RFC1: variants seen among roughly 807,000 people sequenced by gnomAD.
RFC1 encodes replication factor C subunit 1.
Under a neutral mutation model 137.4 loss-of-function variants are expected in RFC1, and 37 were observed. The ratio of observed to expected loss-of-function variants is 0.27; its 90% CI spans 0.21 to 0.35. The LOEUF (loss-of-function observed/expected upper bound fraction) is 0.35. Among genes scored for constraint, RFC1 ranks in the 10% least tolerant of loss-of-function variants. The pLI, the probability that RFC1 is intolerant of heterozygous loss-of-function variation, is 1.00. For missense variants in RFC1, 1,205 were observed against 1,358.5 expected (o/e 0.89, Z 1.78); for synonymous variants, 429 against 455.7 (o/e 0.94, Z 0.75).
At chr4:39,363,415 T>C (rs1369126732) in intron 1 of RFC1, among the ~76,000 whole-genome samples, 1 of 152,240 alleles carries the variant, frequency 6.6e-6, no homozygotes, top group African/African-American at 2.4e-5. Flanking sequence ...CAGAGAAATT[T>C]TATATTTTGG....
rs1738412710 is a variant in RFC1 at position 39,302,507 on chromosome 4, A to G, written c.2429T>C (p.Ile810Thr). ...NEIILGANQD[I>T]RQVLHNLSMW... is the part of the protein sequence containing the mutation. Reference sequence around the variant, plus strand: ...GATATATATTTAATTTACCTGTCTGATATCTTGATTGGCTCCCAAAATTAT... The same window carrying G: ...GATATATATTTAATTTACCTGTCTGGTATCTTGATTGGCTCCCAAAATTAT... Residue 810 changes from isoleucine to threonine, a missense_variant, in exon 18 of 25, where the codon ATC becomes ACC. This residue lies in a region of RFC1 where 962 missense variants were observed against 1,035.3 expected (regional missense o/e 0.93). Coordinates refer to ENST00000349703, the MANE Select transcript of RFC1 (RefSeq NM_002913.5). The G allele has an allele frequency of 3.1e-6, 5 of 1,593,794 alleles. No individual in the cohort carries two copies. Among genetic ancestry groups the G allele is most frequent in the African/African-American group, 1.3e-5 (1 of 74,476 alleles).
intron 9 of RFC1, among the ~76,000 whole-genome samples, 178 bp downstream of exon 9, chr4:39,320,205 C>G (rs906702525): frequency 2.0e-5 from 3 of 152,116 alleles, no homozygotes; most frequent in South Asian, 4.2e-4. Flanking sequence ...CAAAATTAGC[C>G]AGGCATGGTG....
intron 22 of RFC1, among the ~76,000 whole-genome samples, chr4:39,292,615 A>ATTATTTATTTATTTATTTAT (rs58733449): frequency 2.1e-5 from 3 of 143,980 alleles, no homozygotes; most frequent in Non-Finnish European, 3.0e-5. Context: ...ATATGTATAC[A>ATTATTTATTTATTTATTTAT]TTATTTATTT....
intron 5 of RFC1, 117 bp downstream of exon 5, chr4:39,327,407 G>C: frequency 1.9e-6 from 1 of 537,494 alleles, no homozygotes; most frequent in Non-Finnish European, 3.1e-6. Context: ...ATAATCATAG[G>C]AAAATTATTT....
intron 22 of RFC1, among the ~76,000 whole-genome samples, chr4:39,293,524 G>A (rs1254103897): frequency 6.6e-6 from 1 of 152,118 alleles, no homozygotes; most frequent in African/African-American, 2.4e-5. Flanking sequence ...TTAAAGAAGA[G>A]AAACGGACCT....
intron 2 of RFC1, among the ~76,000 whole-genome samples, chr4:39,348,400 G>C (rs1740969797): frequency 1.0e-5 from 1 of 95,378 alleles, no homozygotes; most frequent in South Asian, 3.3e-4. Flanking sequence ...TCCAGTCTGG[G>C]CAACAGAGCA....
chr4:39,306,447 G>T, intron 14 of RFC1, 145 bp downstream of exon 14: 1 of 559,426 alleles, frequency 1.8e-6, no homozygotes. Flanking sequence ...AGGTTCTAAA[G>T]GTTTTATCTT....
chr4:39,345,352 G>C, intron 3 of RFC1, 49 bp downstream of exon 3: 1 of 1,470,602 alleles, frequency 6.8e-7, no homozygotes, highest in Non-Finnish European at 9.5e-7. Flanking sequence ...TGTTCTAAGG[G>C]ATATACAATA....
chr4:39,365,588 T>C, intron 1 of RFC1: 1 of 551,612 alleles, frequency 1.8e-6, no homozygotes, highest in Non-Finnish European at 2.3e-6. Flanking sequence ...GGTAAGAGGA[T>C]GACAGCTGTC....
Position 39,348,613 on chromosome 4 carries a change from GC to G in RFC1, c.132+2734del, listed in dbSNP as rs770703029. Among the ~76,000 whole-genome samples the G allele has an allele frequency of 2.6e-5, 4 of 151,880 alleles. 1 individual carries two copies. The highest frequency in any genetic ancestry group is 5.9e-5 in the Non-Finnish European group (4 of 67,958). On this transcript the variant is annotated intron_variant, in intron 2 of 24. Coordinates refer to ENST00000349703, the MANE Select transcript of RFC1 (RefSeq NM_002913.5). ...TGGAGAAAGGACAAAATGAAAGAAG[GC>G]TGTCAGACTTCTGAGATTCCAGTGA...
At chr4:39,327,354 C>T (rs373245593) in intron 5 of RFC1, among the ~76,000 whole-genome samples, 170 bp downstream of exon 5, 2 of 152,220 alleles carry the variant, frequency 1.3e-5, no homozygotes, top group African/African-American at 4.8e-5. Flanking sequence ...ATGTAACATT[C>T]CAACTTCCTC....
At chr4:39,342,125 C>A (rs1052241551) in intron 4 of RFC1, among the ~76,000 whole-genome samples, 5 of 152,166 alleles carry the variant, frequency 3.3e-5, no homozygotes, top group Admixed American at 1.3e-4. Context: ...TGATTCAATA[C>A]AAGCACTTAA....
chr4:39,366,150 C>A, intron 1 of RFC1, 89 bp downstream of exon 1: 1 of 1,409,374 alleles, frequency 7.1e-7, no homozygotes, highest in South Asian at 1.3e-5. Context: ...CCATCCTCCC[C>A]CACCCTGCAT....
At position 39,308,963 on chromosome 4, in the gene RFC1, A is replaced by G; in HGVS notation, c.1558T>C (p.Ser520Pro). 2 of 1,613,470 alleles carry G rather than the reference A, an allele frequency of 1.2e-6. No individual in the cohort carries two copies. The highest frequency in any genetic ancestry group is 1.1e-5 in the South Asian group (1 of 90,900). The change falls in exon 13 of 25, where the codon TCT becomes CCT. Residue 520 changes from serine to proline, a missense_variant. Transcript: ENST00000349703. Reference sequence around the variant, plus strand: ...TTTTTAGATTCTGATTCCTTTTTAGATGGACTAATTTTTCTTTTTCCTTGG... The same window carrying G: ...TTTTTAGATTCTGATTCCTTTTTAGGTGGACTAATTTTTCTTTTTCCTTGG... ...NVQGKRKISP[S>P]KKESESKKSR... is the part of the protein sequence containing the mutation.
intron 1 of RFC1, chr4:39,365,514 T>C: frequency 1.0e-6 from 1 of 985,210 alleles, no homozygotes; most frequent in South Asian, 4.7e-5. Context: ...TTCAATTTGT[T>C]TGAACATTTT....
At chr4:39,291,577 G>A (rs1737677118) in intron 23 of RFC1, 62 bp downstream of exon 23, 1 of 1,164,168 alleles carries the variant, frequency 8.6e-7, no homozygotes, top group South Asian at 1.2e-5. Flanking sequence ...CACCTCCGAA[G>A]TATTGTCAGT....
At chr4:39,338,889 T>C (rs1740482143) in intron 4 of RFC1, among the ~76,000 whole-genome samples, 1 of 152,198 alleles carries the variant, frequency 6.6e-6, no homozygotes. Flanking sequence ...TCTGCTACTT[T>C]GTAACCTCTA....
chr4:39,296,106 C>T (rs1437278075), intron 21 of RFC1, among the ~76,000 whole-genome samples: 4 of 152,110 alleles, frequency 2.6e-5, no homozygotes, highest in African/African-American at 9.7e-5. Context: ...TGGTCTTTAA[C>T]ATAAATGACT....
intron 4 of RFC1, among the ~76,000 whole-genome samples, chr4:39,337,644 T>C (rs1330934035): frequency 6.6e-6 from 1 of 152,142 alleles, no homozygotes; most frequent in Admixed American, 6.6e-5. Flanking sequence ...TTTATCACTC[T>C]AGGTTTCCCT....
Sources: allele counts gnomAD v4.1 joint callset (sites outside exome capture counted in the v4.1 genomes callset), GRCh38; gene constraint gnomAD v4.1.1; regional missense constraint gnomAD v4.1.1; transcripts MANE v1.5; gene names NCBI Gene and HGNC (gene_info 2026-07-23, HGNC 2026-07-21).